NXPH1: variants seen among roughly 807,000 people sequenced by gnomAD.
NXPH1 encodes neurexophilin-1.
NXPH1 carries 5 observed loss-of-function variants against 23.7 expected under a neutral mutation model. That is an observed-to-expected ratio of 0.21 (90% CI 0.11 to 0.44). NXPH1 has a LOEUF of 0.44. NXPH1 is among the 20% of genes least tolerant of loss of function. The pLI is 0.99. For missense variants in NXPH1, 324 were observed against 321.6 expected (o/e 1.01, Z -0.06); for synonymous variants, 144 against 122.2 (o/e 1.18, Z -1.18).
chr7:8,513,212 A>G (rs1259828981), intron 2 of NXPH1, among the ~76,000 whole-genome samples: 1 of 152,082 alleles, frequency 6.6e-6, no homozygotes, highest in Non-Finnish European at 1.5e-5. Flanking sequence ...TTACAGGTGG[A>G]TGAGGATGCA....
intron 2 of NXPH1, among the ~76,000 whole-genome samples, chr7:8,620,625 C>T (rs1280501476): frequency 1.3e-5 from 2 of 152,184 alleles, no homozygotes; most frequent in Non-Finnish European, 2.9e-5. Flanking sequence ...TTAAGGAGAT[C>T]TGAGAGAGAA....
intron 2 of NXPH1, among the ~76,000 whole-genome samples, chr7:8,703,495 G>T (rs551170964): frequency 6.6e-6 from 1 of 152,180 alleles, no homozygotes; most frequent in South Asian, 2.1e-4. Context: ...CTGGGATTAG[G>T]TGATATTCTG....
At chr7:8,478,222 T>G (rs1817009689) in intron 2 of NXPH1, among the ~76,000 whole-genome samples, 2 of 152,086 alleles carry the variant, frequency 1.3e-5, no homozygotes, top group South Asian at 4.1e-4. Context: ...TAACATTTGA[T>G]AAGTTCTTCT....
intron 2 of NXPH1, among the ~76,000 whole-genome samples, chr7:8,615,627 C>G (rs890754617): frequency 2.0e-5 from 3 of 151,972 alleles, no homozygotes; most frequent in Non-Finnish European, 4.4e-5. Context: ...CAATATTTTC[C>G]TGCCTGTCTC....
At chr7:8,436,464 G>C (rs1475720508) in intron 2 of NXPH1, among the ~76,000 whole-genome samples, 1 of 152,166 alleles carries the variant, frequency 6.6e-6, no homozygotes, top group Non-Finnish European at 1.5e-5. Flanking sequence ...TCTAAACAAA[G>C]CCGCGGTCCT....
Position 8,667,873 on chromosome 7 carries a change from C to T in NXPH1, c.55-83135C>T, listed in dbSNP as rs148746345. On this transcript the variant is annotated intron_variant, in intron 2 of 2. Coordinates refer to ENST00000405863, the MANE Select transcript of NXPH1 (RefSeq NM_152745.3). The stretch of plus-strand genomic sequence containing the variant: ...ATCCCATGTTTTATTTATTCCTTTT[C>T]ATCCTCTTTTCTTTTTTCTCCTCTG... Among the ~76,000 whole-genome samples, 61 of 151,930 alleles carry T rather than the reference C, an allele frequency of 4.0e-4. No individual in the cohort carries two copies. In the East Asian group the frequency reaches 0.01, roughly 26 times the overall value.
chr7:8,575,678 A>G (rs1488288343), intron 2 of NXPH1, among the ~76,000 whole-genome samples: 1 of 151,918 alleles, frequency 6.6e-6, no homozygotes, highest in Non-Finnish European at 1.5e-5. Context: ...ATAATTTTCT[A>G]TAATGTTTCC....
At chr7:8,691,999 C>G (rs528693233) in intron 2 of NXPH1, among the ~76,000 whole-genome samples, 3 of 152,006 alleles carry the variant, frequency 2.0e-5, no homozygotes, top group East Asian at 1.9e-4. Context: ...TGGGGAGATA[C>G]TTTTCTAGTC....
At chr7:8,539,240 T>C (rs984229131) in intron 2 of NXPH1, among the ~76,000 whole-genome samples, 4 of 151,778 alleles carry the variant, frequency 2.6e-5, no homozygotes, top group African/African-American at 9.7e-5. Flanking sequence ...AGCTAAGGGA[T>C]AATATCTAAG....
intron 2 of NXPH1, among the ~76,000 whole-genome samples, chr7:8,579,708 A>G (rs1818829362): frequency 6.6e-6 from 1 of 152,166 alleles, no homozygotes; most frequent in Non-Finnish European, 1.5e-5. Context: ...TCAGAATGTA[A>G]TTTGTTTTAT....
chr7:8,630,144 C>T (rs1464509230), intron 2 of NXPH1, among the ~76,000 whole-genome samples: 1 of 152,014 alleles, frequency 6.6e-6, no homozygotes, highest in East Asian at 1.9e-4. Context: ...TGACATAATA[C>T]TATGATAATA....
At chr7:8,522,033 T>C (rs769217714) in intron 2 of NXPH1, among the ~76,000 whole-genome samples, 23 of 152,206 alleles carry the variant, frequency 1.5e-4, no homozygotes, top group Non-Finnish European at 2.8e-4. Flanking sequence ...AGATAAACTT[T>C]GTTTTATTGA....
intron 2 of NXPH1, among the ~76,000 whole-genome samples, chr7:8,447,734 C>CT (rs1816430008): frequency 6.6e-6 from 1 of 152,222 alleles, no homozygotes; most frequent in African/African-American, 2.4e-5. Flanking sequence ...GACTGAAATT[C>CT]TTCACAATTA....
intron 2 of NXPH1, among the ~76,000 whole-genome samples, chr7:8,586,229 G>A (rs772365766): frequency 7.2e-5 from 11 of 152,044 alleles, no homozygotes; most frequent in Admixed American, 1.3e-4. Context: ...CCCAAAACAC[G>A]CTGTTTGGGA....
At chr7:8,568,862 A>G (rs1306740117) in intron 2 of NXPH1, among the ~76,000 whole-genome samples, 1 of 151,784 alleles carries the variant, frequency 6.6e-6, no homozygotes, top group Non-Finnish European at 1.5e-5. Context: ...GCAGTGTTTG[A>G]TATCTTTGCA....
At chr7:8,461,556 C>T (rs541046268) in intron 2 of NXPH1, among the ~76,000 whole-genome samples, 21 of 152,178 alleles carry the variant, frequency 1.4e-4, no homozygotes, top group Admixed American at 5.2e-4. Flanking sequence ...CACGGCCGGG[C>T]GCGGTGGCTC....
intron 2 of NXPH1, among the ~76,000 whole-genome samples, chr7:8,578,539 C>T (rs1250660715): frequency 6.6e-6 from 1 of 152,306 alleles, no homozygotes; most frequent in South Asian, 2.1e-4. Context: ...TCACCAAGTA[C>T]TTTCATACAA....
intron 2 of NXPH1, among the ~76,000 whole-genome samples, chr7:8,684,091 A>T (rs1821103098): frequency 6.6e-6 from 1 of 152,160 alleles, no homozygotes; most frequent in South Asian, 2.1e-4. Context: ...ATTAAGTTTG[A>T]TGTATAGGAC....
chr7:8,720,185 C>A (rs1328731022), intron 2 of NXPH1, among the ~76,000 whole-genome samples: 1 of 152,132 alleles, frequency 6.6e-6, no homozygotes, highest in Non-Finnish European at 1.5e-5. Context: ...GTTCAATGAA[C>A]TGAATCACCA....
Sources: allele counts gnomAD v4.1 joint callset (sites outside exome capture counted in the v4.1 genomes callset), GRCh38; gene constraint gnomAD v4.1.1; transcripts MANE v1.5; gene names NCBI Gene and HGNC (gene_info 2026-07-23, HGNC 2026-07-21).